PAPSS1: variants seen among roughly 807,000 people sequenced by gnomAD.
PAPSS1 encodes the protein bifunctional 3'-phosphoadenosine 5'-phosphosulfate synthase 1.
PAPSS1 carries 50 observed loss-of-function variants against 72.0 expected under a neutral mutation model. The observed-to-expected ratio is 0.69, with a 90% CI of 0.55 to 0.88. PAPSS1 has a LOEUF of 0.88. Ranked by LOEUF, PAPSS1 falls within the 40% of genes least tolerant of loss-of-function variation. The probability of loss-of-function intolerance (pLI) is 0.00; values close to 1 mark genes in which losing one functional copy is unlikely to be tolerated. For synonymous variants in PAPSS1, 261 were observed against 263.6 expected (o/e 0.99, Z 0.09); for missense variants, 657 against 782.2 (o/e 0.84, Z 1.91).
rs768788305 is a variant in PAPSS1, at chr4:107,644,854, G to A, written c.1454C>T (p.Thr485Met). ...AGATGGGAAGATGGCCACCACTGTC[G>A]TCTCAGGATTCAGAACTCCTTCCTC... ...VLEEGVLNPETTVVAIFPSPM... is the reference protein window; with the variant it reads ...VLEEGVLNPEMTVVAIFPSPM... Residue 485 changes from threonine to methionine, a missense_variant, in exon 10 of 12, where the codon ACG (threonine) becomes ATG (methionine). Physicochemically the swap from Thr to Met is moderately conservative, Grantham distance 81. Around this residue, in one of 7 missense-constraint regions of PAPSS1, gnomAD observed 166 missense variants for 228.3 expected, o/e 0.73. Coordinates refer to ENST00000265174, the MANE Select transcript of PAPSS1 (RefSeq NM_005443.5). 1.5e-5 allele frequency: 25 copies of A among 1,613,728 alleles called. No homozygotes were observed. The highest frequency in any genetic ancestry group is 1.7e-5 in the Non-Finnish European group (20 of 1,179,840).
intron 5 of PAPSS1, among the ~76,000 whole-genome samples, chr4:107,670,785 G>C (rs1414585667): frequency 1.3e-5 from 2 of 152,160 alleles, no homozygotes; most frequent in African/African-American, 4.8e-5. Flanking sequence ...CAATCTTCCT[G>C]CTTCAGTTTC....
chr4:107,687,775 T>G (rs1047331223), intron 3 of PAPSS1, among the ~76,000 whole-genome samples: 2 of 152,154 alleles, frequency 1.3e-5, no homozygotes, highest in African/African-American at 4.8e-5. Context: ...CTTTCTGGTC[T>G]TCAAAACCTG....
intron 5 of PAPSS1, among the ~76,000 whole-genome samples, chr4:107,665,222 T>G (rs1410093566): frequency 1.3e-5 from 2 of 152,162 alleles, no homozygotes; most frequent in African/African-American, 2.4e-5. Flanking sequence ...TACAGGAATA[T>G]AAAAAGAATC....
chr4:107,675,612 G>A (rs535692611), intron 5 of PAPSS1, among the ~76,000 whole-genome samples: 1 of 152,274 alleles, frequency 6.6e-6, no homozygotes, highest in South Asian at 2.1e-4. Flanking sequence ...GGTACAAGGA[G>A]GAGCTGGTAA....
At chr4:107,619,494 A>C (rs1303249230) in intron 11 of PAPSS1, among the ~76,000 whole-genome samples, 1 of 152,238 alleles carries the variant, frequency 6.6e-6, no homozygotes, top group Non-Finnish European at 1.5e-5. Flanking sequence ...AGGAGTGGAC[A>C]CAAGAGTCAC....
intron 10 of PAPSS1, among the ~76,000 whole-genome samples, chr4:107,633,065 T>C (rs1726263574): frequency 6.6e-6 from 1 of 152,242 alleles, no homozygotes; most frequent in Admixed American, 6.5e-5. Flanking sequence ...CTACTGATGT[T>C]TGCCTGCATG....
intron 1 of PAPSS1, among the ~76,000 whole-genome samples, chr4:107,715,245 C>T (rs1328319527): frequency 6.6e-6 from 1 of 152,174 alleles, no homozygotes; most frequent in African/African-American, 2.4e-5. Flanking sequence ...GGATCGTGAA[C>T]CGGACAACAC....
At chr4:107,682,275 T>A (rs1351909266) in intron 4 of PAPSS1, 142 bp from the exon 5 acceptor site, 7 of 410,816 alleles carry the variant, frequency 1.7e-5, no homozygotes, top group Non-Finnish European at 3.0e-5. Flanking sequence ...AGCATCTTTC[T>A]TGGGAGATTT....
intron 6 of PAPSS1, 123 bp from the exon 7 acceptor site, chr4:107,657,130 A>C (rs1036775665): frequency 3.1e-6 from 2 of 641,920 alleles, no homozygotes; most frequent in African/African-American, 1.8e-5. Flanking sequence ...ATGAGTATAG[A>C]TTATACCAAA....
At chr4:107,640,419 G>A (rs568994532) in intron 10 of PAPSS1, among the ~76,000 whole-genome samples, 1 of 152,256 alleles carries the variant, frequency 6.6e-6, no homozygotes, top group African/African-American at 2.4e-5. Flanking sequence ...AACAAATCTG[G>A]TACCAATGCC....
intron 10 of PAPSS1, among the ~76,000 whole-genome samples, chr4:107,634,017 T>C (rs531457934): frequency 6.6e-6 from 1 of 151,918 alleles, no homozygotes; most frequent in Admixed American, 6.5e-5. Flanking sequence ...GTTCATTAAA[T>C]AGTCTGTTTA....
intron 5 of PAPSS1, among the ~76,000 whole-genome samples, chr4:107,672,226 AGTGGGTGCAGCG>A (rs1727500039): frequency 6.6e-6 from 1 of 152,180 alleles, no homozygotes; most frequent in Non-Finnish European, 1.5e-5. Context: ...GGTGCAGGAC[AGTGGGTGCAGCG>A]CACCAAGCAT....
chr4:107,670,177 C>T (rs1367741125), intron 5 of PAPSS1, among the ~76,000 whole-genome samples: 3 of 152,140 alleles, frequency 2.0e-5, no homozygotes. Flanking sequence ...ATAAATATGT[C>T]CCTTATAATA....
intron 3 of PAPSS1, among the ~76,000 whole-genome samples, chr4:107,692,344 C>G (rs781038379): frequency 3.9e-5 from 6 of 152,094 alleles, no homozygotes; most frequent in Admixed American, 6.6e-5. Context: ...ACAGACACTT[C>G]TCTTAAGAAG....
At chr4:107,714,842 TATTGACACTTCA>T (rs1184796411) in intron 1 of PAPSS1, among the ~76,000 whole-genome samples, 6 of 151,984 alleles carry the variant, frequency 3.9e-5, no homozygotes, top group African/African-American at 1.5e-4. Flanking sequence ...CTGGGAAGCA[TATTGACACTTCA>T]AATCTGAAGA....
chr4:107,627,814 G>T (rs150653875), intron 11 of PAPSS1, among the ~76,000 whole-genome samples: 4 of 151,998 alleles, frequency 2.6e-5, no homozygotes, highest in Non-Finnish European at 5.9e-5. Context: ...TCAGCACACC[G>T]CTTTTACAGT....
chr4:107,695,964 G>GAA (rs59689249), intron 2 of PAPSS1, among the ~76,000 whole-genome samples: 1 of 151,970 alleles, frequency 6.6e-6, no homozygotes, highest in African/African-American at 2.4e-5. Flanking sequence ...CAACAAACAT[G>GAA]AAAAAAAGCT....
At chr4:107,672,072 G>A (rs1727488950) in intron 5 of PAPSS1, among the ~76,000 whole-genome samples, 1 of 152,282 alleles carries the variant, frequency 6.6e-6, no homozygotes, top group East Asian at 1.9e-4. Flanking sequence ...CAATAAAAAT[G>A]AGATGGAGGT....
chr4:107,644,903 T>A lies in PAPSS1; in HGVS notation c.1405A>T (p.Met469Leu). ...KDDDVPLMWR[M>L]KQHAAVLEEG... ...TCCAACACTGCAGCATGCTGCTTCA[T>A]ACGCCACATCAAAGGAACATCGTCA... Residue 469 changes from methionine to leucine, a missense_variant, in exon 10 of 12, where the codon ATG (methionine) becomes TTG (leucine). Physicochemically the swap from Met to Leu is conservative, Grantham distance 15 (BLOSUM62 2). Transcript: ENST00000265174. The A allele has an allele frequency of 1.2e-6, 2 of 1,614,090 alleles. No homozygotes were observed. Among genetic ancestry groups the A allele is most frequent in the Non-Finnish European group, 8.5e-7 (1 of 1,179,954 alleles).
Sources: allele counts gnomAD v4.1 joint callset (sites outside exome capture counted in the v4.1 genomes callset), GRCh38; gene constraint gnomAD v4.1.1; regional missense constraint gnomAD v4.1.1; transcripts MANE v1.5; gene names NCBI Gene and HGNC (gene_info 2026-07-23, HGNC 2026-07-21).